The following FHOD3 variants were observed in gnomAD, a reference collection of about 807,000 sequenced individuals.
FHOD3 encodes formin homology 2 domain containing 3.
A neutral mutation model predicts 173.0 loss-of-function variants in FHOD3; 90 were observed. That is an observed-to-expected ratio of 0.52 (90% CI 0.44 to 0.62). FHOD3 has a LOEUF of 0.62. Among genes scored for constraint, FHOD3 ranks in the 20% least tolerant of loss-of-function variants. The pLI, the probability that FHOD3 is intolerant of heterozygous loss-of-function variation, is 0.00. For missense variants in FHOD3, 1,945 were observed against 2,034.7 expected (o/e 0.96, Z 0.85); for synonymous variants, 828 against 823.0 (o/e 1.01, Z -0.10).
chr18:36,740,556 T>G, intron 20 of FHOD3, 100 bp from the exon 21 acceptor site: 1 of 1,220,004 alleles, frequency 8.2e-7, no homozygotes, highest in Non-Finnish European at 1.2e-6. Flanking sequence ...ATACCTCTAC[T>G]ACCTGGTTGG....
At chr18:36,509,124 A>G (rs1312138411) in intron 4 of FHOD3, among the ~76,000 whole-genome samples, 1 of 152,234 alleles carries the variant, frequency 6.6e-6, no homozygotes, top group Non-Finnish European at 1.5e-5. Flanking sequence ...TACAGGACAA[A>G]TGACCCGGTT....
At chr18:36,719,730 T>C (rs62083172) in intron 19 of FHOD3, among the ~76,000 whole-genome samples, 17,408 of 152,228 alleles carry the variant, frequency 0.11, 1,158 homozygotes, top group Non-Finnish European at 0.14. Context: ...AGCAATGCCA[T>C]TTGGGCACCA....
chr18:36,530,800 T>C (rs8097433), intron 5 of FHOD3, among the ~76,000 whole-genome samples: 84,623 of 152,098 alleles, frequency 0.56, 23,667 homozygotes, highest in East Asian at 0.63. Flanking sequence ...CAGCCCGGGT[T>C]AGAACTGCTA....
chr18:36,578,257 C>T (rs1049572695), intron 6 of FHOD3, among the ~76,000 whole-genome samples: 54 of 152,162 alleles, frequency 3.5e-4, no homozygotes, highest in Admixed American at 2.6e-3. Flanking sequence ...AAAATCATGG[C>T]GGAAGGCGGA....
chr18:36,388,510 A>G (rs2048135639), intron 3 of FHOD3, among the ~76,000 whole-genome samples: 1 of 152,212 alleles, frequency 6.6e-6, no homozygotes, highest in African/African-American at 2.4e-5. Context: ...ACTTACCTGC[A>G]TGCCCCAGGG....
intron 3 of FHOD3, among the ~76,000 whole-genome samples, chr18:36,475,957 A>G (rs947531892): frequency 1.3e-5 from 2 of 152,216 alleles, no homozygotes; most frequent in African/African-American, 4.8e-5. Flanking sequence ...TGTTGACAAA[A>G]TGTACAATTA....
At chr18:36,298,823 G>A (rs1439394867) in intron 1 of FHOD3, among the ~76,000 whole-genome samples, 6 of 151,666 alleles carry the variant, frequency 4.0e-5, no homozygotes, top group African/African-American at 1.5e-4. Flanking sequence ...TAGGCCTCTT[G>A]CAAAGCATTT....
intron 1 of FHOD3, among the ~76,000 whole-genome samples, chr18:36,309,242 G>A (rs982998361): frequency 3.3e-5 from 5 of 152,156 alleles, no homozygotes; most frequent in African/African-American, 9.7e-5. Flanking sequence ...CTTGTTTTCC[G>A]TTCCTGCCCA....
At chr18:36,564,442 G>A (rs573032121) in intron 5 of FHOD3, among the ~76,000 whole-genome samples, 37 of 152,258 alleles carry the variant, frequency 2.4e-4, no homozygotes, top group African/African-American at 8.9e-4. Context: ...AGGAGCATAG[G>A]TGTAACTGAG....
At chr18:36,741,449 A>G (rs1568708427) in intron 21 of FHOD3, among the ~76,000 whole-genome samples, 1 of 152,122 alleles carries the variant, frequency 6.6e-6, no homozygotes, top group South Asian at 2.1e-4. Flanking sequence ...ATCTTAGTTG[A>G]GAGGAAGTCT....
At chr18:36,298,051 G>T in intron 1 of FHOD3, 51 bp downstream of exon 1, 1 of 1,402,088 alleles carries the variant, frequency 7.1e-7, no homozygotes. Context: ...CCCCTGCCGC[G>T]GTGCGCGCCG....
intron 13 of FHOD3, among the ~76,000 whole-genome samples, chr18:36,654,876 G>A (rs1033778883): frequency 3.3e-5 from 5 of 152,082 alleles, no homozygotes; most frequent in African/African-American, 1.2e-4. Context: ...AAAATGGAAG[G>A]TGATTTTGGA....
chr18:36,480,167 A>G (rs1183277613), intron 3 of FHOD3, among the ~76,000 whole-genome samples: 5 of 152,200 alleles, frequency 3.3e-5, no homozygotes, highest in African/African-American at 1.2e-4. Context: ...AGCCTCAGCC[A>G]GTTCTGAGGT....
chr18:36,305,335 TC>T (rs1426160939), intron 1 of FHOD3, among the ~76,000 whole-genome samples: 1 of 152,120 alleles, frequency 6.6e-6, no homozygotes, highest in Non-Finnish European at 1.5e-5. Context: ...GAAAAGAAAA[TC>T]TTAAAATTTT....
intron 28 of FHOD3, among the ~76,000 whole-genome samples, chr18:36,774,609 T>C (rs940074865): frequency 1.3e-5 from 2 of 152,228 alleles, no homozygotes; most frequent in African/African-American, 4.8e-5. Flanking sequence ...TCAACTAGAT[T>C]TGGGAATGTC....
chr18:36,568,367 A>AAAAAG (rs1568437858), intron 5 of FHOD3, among the ~76,000 whole-genome samples: 1 of 109,352 alleles, frequency 9.1e-6, no homozygotes, highest in African/African-American at 3.4e-5. Flanking sequence ...AAAAAAAAAA[A>AAAAAG]GGTGGTGGAG....
intron 18 of FHOD3, among the ~76,000 whole-genome samples, chr18:36,716,873 G>A (rs1174419918): frequency 6.6e-6 from 1 of 151,918 alleles, no homozygotes; most frequent in Non-Finnish European, 1.5e-5. Flanking sequence ...GGGGCCAAGG[G>A]TGGTTTTGCT....
intron 7 of FHOD3, among the ~76,000 whole-genome samples, chr18:36,598,233 T>C (rs567982822): frequency 4.5e-4 from 69 of 152,308 alleles, no homozygotes; most frequent in African/African-American, 1.6e-3. Context: ...ATATGAGCAG[T>C]TGTCTTTTTG....
intron 17 of FHOD3, among the ~76,000 whole-genome samples, chr18:36,704,042 C>T (rs969719186): frequency 6.6e-6 from 1 of 152,098 alleles, no homozygotes; most frequent in African/African-American, 2.4e-5. Flanking sequence ...CAGCCCAGTA[C>T]CCTGTTATGT....
Sources: allele counts gnomAD v4.1 joint callset (sites outside exome capture counted in the v4.1 genomes callset), GRCh38; gene constraint gnomAD v4.1.1; transcripts MANE v1.5; gene names NCBI Gene and HGNC (gene_info 2026-07-23, HGNC 2026-07-21).